The following VWA3B variants were observed in gnomAD, a reference collection of about 807,000 sequenced individuals.
VWA3B encodes von Willebrand factor A domain-containing protein 3B.
VWA3B carries 138 observed loss-of-function variants against 158.3 expected under a neutral mutation model. The observed-to-expected ratio is 0.87, with a 90% CI of 0.76 to 1.00. The LOEUF is 1.00. Ranked by LOEUF, VWA3B falls within the 50% of genes least tolerant of loss-of-function variation. VWA3B has a pLI of 0.00. For missense variants in VWA3B, 1,555 were observed against 1,565.1 expected, an observed-to-expected ratio of 0.99 and a Z score of 0.11; for synonymous variants, 596 against 587.3, an observed-to-expected ratio of 1.01 and a Z score of -0.21.
intron 10 of VWA3B, chr2:98,192,256 A>C (rs1405330916): frequency 6.5e-6 from 1 of 152,974 alleles, no homozygotes; most frequent in African/African-American, 2.4e-5. Context: ...GAGACCACCA[A>C]ACAGGCTTTG....
chr2:98,172,714 A>G (rs1679701165), intron 8 of VWA3B, among the ~76,000 whole-genome samples: 1 of 152,150 alleles, frequency 6.6e-6, no homozygotes, highest in Non-Finnish European at 1.5e-5. Flanking sequence ...GTAAGCTCCT[A>G]GATGGATATG....
In VWA3B at chr2:98,234,099, A is replaced by G. The variant is rs1386817403; in HGVS notation, c.2309-549A>G. 2.0e-5 allele frequency among the ~76,000 whole-genome samples: 3 copies of G among 152,224 alleles called. No homozygotes were observed. In the East Asian group the frequency reaches 5.8e-4, roughly 29 times the overall value. ...GGCTTACCAAAGATGTCCTGCCCTG[A>G]ACCCTGCAATCTTTGAATATGATGA... is the stretch of plus-strand genomic sequence containing the variant. On this transcript the variant is annotated intron_variant, in intron 16 of 27. Transcript: ENST00000477737.
intron 26 of VWA3B, among the ~76,000 whole-genome samples, chr2:98,308,367 G>C (rs1428318935): frequency 6.6e-6 from 1 of 152,212 alleles, no homozygotes; most frequent in Non-Finnish European, 1.5e-5. Flanking sequence ...GAGTGTCCCT[G>C]AGCTTTCTGC....
At chr2:98,279,462 G>A (rs1007917600) in intron 22 of VWA3B, among the ~76,000 whole-genome samples, 13 of 152,164 alleles carry the variant, frequency 8.5e-5, no homozygotes, top group African/African-American at 3.1e-4. Flanking sequence ...AAACAGATCT[G>A]GGGACAGATT....
At chr2:98,116,743 C>A (rs1007055626) in intron 3 of VWA3B, among the ~76,000 whole-genome samples, 4 of 152,194 alleles carry the variant, frequency 2.6e-5, no homozygotes, top group Non-Finnish European at 5.9e-5. Context: ...TAAGCTCAAG[C>A]AATCCGCCTG....
intron 21 of VWA3B, among the ~76,000 whole-genome samples, chr2:98,269,797 G>A (rs1479052113): frequency 1.3e-5 from 2 of 152,216 alleles, no homozygotes; most frequent in Non-Finnish European, 2.9e-5. Context: ...AGGGGAATGA[G>A]GGCCTGGGTT....
At position 98,290,631 on chromosome 2, in the gene VWA3B, T is replaced by C; in HGVS notation, c.3157+9T>C. ...TGGCTTTTATTTTCCAGGTAGTTTT[T>C]TTTTTTTTAATTTCGTGAGGCTTTT... On this transcript the variant is annotated intron_variant, in intron 23 of 27. Coordinates refer to ENST00000477737, the MANE Select transcript of VWA3B (RefSeq NM_144992.5). 1.3e-6 allele frequency: 2 copies of C among 1,574,974 alleles called. No homozygotes were observed. The highest frequency in any genetic ancestry group is 1.7e-6 in the Non-Finnish European group (2 of 1,157,098).
At chr2:98,179,811 TTTCTTTC>T (rs1458666020) in intron 8 of VWA3B, among the ~76,000 whole-genome samples, 9 of 141,868 alleles carry the variant, frequency 6.3e-5, no homozygotes, top group Non-Finnish European at 1.2e-4. Context: ...TCTTTCTTTC[TTTCTTTC>T]TTTCTTTCTT....
chr2:98,302,040 A>G (rs1288099009), intron 25 of VWA3B, among the ~76,000 whole-genome samples: 1 of 152,070 alleles, frequency 6.6e-6, no homozygotes, highest in African/African-American at 2.4e-5. Flanking sequence ...CAACCCACAC[A>G]CATGCTTCGT....
intron 8 of VWA3B, among the ~76,000 whole-genome samples, chr2:98,179,797 TC>T (rs1680351424): frequency 1.2e-5 from 1 of 86,424 alleles, no homozygotes; most frequent in East Asian, 8.6e-4. Context: ...TTTCTTTCTT[TC>T]TTTCTTTCTT....
chr2:98,119,745 C>T lies in VWA3B; in HGVS notation c.524C>T (p.Thr175Ile). 1.2e-6 allele frequency: 2 copies of T among 1,613,940 alleles called. No individual in the cohort carries two copies. The highest frequency in any genetic ancestry group is 1.1e-5 in the South Asian group (1 of 91,062). ...CTCCAGGAGCAGGTGGCTCACATAACCGAGTTCAATATCATACGGTGAGTT... is the reference window on the plus strand; with the variant it reads ...CTCCAGGAGCAGGTGGCTCACATAATCGAGTTCAATATCATACGGTGAGTT... ...MVLQEQVAHITEFNIIRVSQE... is the reference protein window; with the variant it reads ...MVLQEQVAHIIEFNIIRVSQE... The change falls in exon 4 of 28, where the codon ACC becomes ATC. Residue 175 changes from threonine (T) to isoleucine (I), a missense_variant. Coordinates refer to ENST00000477737, the MANE Select transcript of VWA3B (RefSeq NM_144992.5).
At chr2:98,270,574 CAG>C in intron 21 of VWA3B, 106 bp from the exon 22 acceptor site, 1 of 1,151,082 alleles carries the variant, frequency 8.7e-7, no homozygotes, top group South Asian at 1.6e-5. Context: ...AGATGTTTCT[CAG>C]GGGAGAATTT....
intron 6 of VWA3B, among the ~76,000 whole-genome samples, chr2:98,129,586 TAACA>T (rs918066580): frequency 2.6e-5 from 4 of 152,018 alleles, no homozygotes; most frequent in African/African-American, 9.7e-5. Context: ...GAACCATGAG[TAACA>T]AACTATCTTT....
At chr2:98,217,074 G>A in intron 13 of VWA3B, 1 of 989,564 alleles carries the variant, frequency 1.0e-6, no homozygotes, top group Non-Finnish European at 1.3e-6. Flanking sequence ...CTGGGCAGAG[G>A]GTGGGGGTTC....
chr2:98,260,647 GCATAAC>G (rs1687424481), intron 21 of VWA3B, among the ~76,000 whole-genome samples: 1 of 151,652 alleles, frequency 6.6e-6, no homozygotes, highest in African/African-American at 2.4e-5. Flanking sequence ...GGATACCAAG[GCATAAC>G]TATACATAAC....
chr2:98,154,779 G>C (rs764678501), intron 7 of VWA3B, among the ~76,000 whole-genome samples: 33 of 152,224 alleles, frequency 2.2e-4, no homozygotes, highest in Non-Finnish European at 4.4e-4. Context: ...AGGGAAAAGA[G>C]CCAGTGCAGA....
intron 1 of VWA3B, among the ~76,000 whole-genome samples, chr2:98,089,461 A>G (rs1682112310): frequency 6.9e-6 from 1 of 144,230 alleles, no homozygotes; most frequent in African/African-American, 2.6e-5. Context: ...GAGTCTGCAT[A>G]GGAGAGCCGT....
At chr2:98,305,524 T>C (rs552032586) in intron 26 of VWA3B, among the ~76,000 whole-genome samples, 1 of 152,258 alleles carries the variant, frequency 6.6e-6, no homozygotes, top group East Asian at 1.9e-4. Flanking sequence ...GGGAAGGGCA[T>C]TGTTTCCAAC....
chr2:98,204,059 C>T (rs1682804834), intron 12 of VWA3B, among the ~76,000 whole-genome samples: 1 of 152,140 alleles, frequency 6.6e-6, no homozygotes, highest in South Asian at 2.1e-4. Context: ...TGTGCAAATA[C>T]TATGCCATTT....
Sources: gnomAD v4.1 joint callset for allele counts (sites outside exome capture counted in the v4.1 genomes callset) on GRCh38, gnomAD v4.1.1 for gene constraint, MANE v1.5 for transcripts, NCBI Gene and HGNC (gene_info 2026-07-23, HGNC 2026-07-21) for gene names.